INPP5A: variants seen among roughly 807,000 people sequenced by gnomAD.
INPP5A encodes the protein inositol polyphosphate-5-phosphatase A.
INPP5A carries 14 observed loss-of-function variants against 65.2 expected under a neutral mutation model. That is an observed-to-expected ratio of 0.21 (90% CI 0.14 to 0.34). INPP5A has a LOEUF of 0.34. Ranked by LOEUF, INPP5A falls within the 10% of genes least tolerant of loss-of-function variation. INPP5A has a pLI of 1.00. For synonymous variants in INPP5A, 207 were observed against 208.3 expected, an observed-to-expected ratio of 0.99 and a Z score of 0.05; for missense variants, 431 against 545.6, an observed-to-expected ratio of 0.79 and a Z score of 2.09.
rs535180856 is a variant in INPP5A, at chr10:132,718,032, C to T, written c.647+7576C>T. On this transcript the variant is annotated intron_variant, in intron 8 of 15. Coordinates refer to ENST00000368594, the MANE Select transcript of INPP5A (RefSeq NM_005539.5). ...CTGTGGTACCTGAGTTCTGTCTGGG[C>T]GCCTTAGACGGCTGTCTTGCGGGTT... is the stretch of plus-strand genomic sequence containing the variant. Among the ~76,000 whole-genome samples, 29 of 147,654 alleles carry T rather than the reference C, an allele frequency of 2.0e-4. No homozygotes were observed. The South Asian group carries it at 2.4e-3, about 12-fold the overall frequency.
intron 1 of INPP5A, among the ~76,000 whole-genome samples, chr10:132,597,002 T>C (rs2071709681): frequency 1.3e-5 from 2 of 151,436 alleles, no homozygotes; most frequent in South Asian, 4.2e-4. Flanking sequence ...TGTGTTTGTG[T>C]GCACGCTCCT....
chr10:132,561,220 A>T (rs2071201050), intron 1 of INPP5A, among the ~76,000 whole-genome samples: 2 of 71,730 alleles, frequency 2.8e-5, no homozygotes, highest in Admixed American at 3.0e-4. Context: ...GTATCACCAC[A>T]CCTGGCTAGT....
intron 3 of INPP5A, among the ~76,000 whole-genome samples, chr10:132,648,302 A>G (rs2072526235): frequency 6.6e-6 from 1 of 152,238 alleles, no homozygotes; most frequent in African/African-American, 2.4e-5. Context: ...TTCACAGTGG[A>G]GTGTGGCCCC....
Position 132,661,037 on chromosome 10 carries a change from C to T in INPP5A, c.306+10532C>T, listed in dbSNP as rs553664594. 2.0e-5 allele frequency among the ~76,000 whole-genome samples: 3 copies of T among 152,246 alleles called. No individual in the cohort carries two copies. In the South Asian group the frequency reaches 6.2e-4, roughly 32 times the overall value. On this transcript the variant is annotated intron_variant, in intron 4 of 15. Coordinates refer to ENST00000368594, the MANE Select transcript of INPP5A (RefSeq NM_005539.5). ...TGCACCTTGGCCAAGATGAGGATGC[C>T]GGATGGAGCATAGCCAGTCCTGGAA...
chr10:132,718,976 T>C (rs1307921493), intron 8 of INPP5A, among the ~76,000 whole-genome samples: 1 of 147,528 alleles, frequency 6.8e-6, no homozygotes, highest in East Asian at 2.0e-4. Context: ...TCTTGCGGGT[T>C]CTGTGGTACC....
intron 1 of INPP5A, among the ~76,000 whole-genome samples, chr10:132,543,866 T>A (rs1468321774): frequency 1.3e-5 from 2 of 152,220 alleles, no homozygotes; most frequent in African/African-American, 4.8e-5. Context: ...CACCTTTAAG[T>A]TCGGGTGAAC....
At chr10:132,746,836 A>G (rs2803990) in intron 9 of INPP5A, among the ~76,000 whole-genome samples, 39,243 of 152,208 alleles carry the variant, frequency 0.26, 5,203 homozygotes, top group African/African-American at 0.27. Flanking sequence ...CAGCCTGGCC[A>G]CTTTCCGCAT....
intron 9 of INPP5A, among the ~76,000 whole-genome samples, chr10:132,739,225 C>T (rs1192416907): frequency 2.0e-5 from 3 of 152,216 alleles, no homozygotes; most frequent in Non-Finnish European, 4.4e-5. Flanking sequence ...CTTTACAGAA[C>T]GCCGTTCCTG....
In INPP5A at chr10:132,549,422, G is replaced by A. The variant is rs935440037; in HGVS notation, c.75+11251G>A. ...TTATGGCTGTGTGGTGGCATCTTGCGGTTTAACTTGCATTTCTGGTCCTAC... is the reference window on the plus strand; with the variant it reads ...TTATGGCTGTGTGGTGGCATCTTGCAGTTTAACTTGCATTTCTGGTCCTAC... On this transcript the variant is annotated intron_variant, in intron 1 of 15. Transcript: ENST00000368594. The surrounding 1 kb of genome is among the most constrained non-coding windows in gnomAD (Gnocchi z 4.9). Among the ~76,000 whole-genome samples, 1 of 152,162 alleles carries A rather than the reference G, an allele frequency of 6.6e-6. No individual in the cohort carries two copies. The highest frequency in any genetic ancestry group is 1.5e-5 in the Non-Finnish European group (1 of 68,028).
rs1349604266 is a variant in INPP5A at position 132,551,742 on chromosome 10, A to T, written c.75+13571A>T. 6.6e-6 allele frequency among the ~76,000 whole-genome samples: 1 copy of T among 152,174 alleles called. No individual in the cohort carries two copies. Among genetic ancestry groups the T allele is most frequent in the Non-Finnish European group, 1.5e-5 (1 of 68,016 alleles). ...CAGGCTGGAGGGACGTGGGGTGGGA[A>T]TGGGCCTGACCAGCTAGGGAACAGA... On this transcript the variant is annotated intron_variant, in intron 1 of 15. Transcript: ENST00000368594. This position sits in a 1 kb window ranked among gnomAD's most constrained non-coding sequence, Gnocchi z 5.3.
intron 3 of INPP5A, among the ~76,000 whole-genome samples, chr10:132,647,898 A>G (rs1298521886): frequency 2.6e-5 from 4 of 152,230 alleles, no homozygotes; most frequent in Non-Finnish European, 5.9e-5. Flanking sequence ...AGGAGAAAAT[A>G]TAGTTTTGGG....
intron 1 of INPP5A, among the ~76,000 whole-genome samples, chr10:132,552,154 T>C (rs2071060527): frequency 6.6e-6 from 1 of 151,120 alleles, no homozygotes; most frequent in South Asian, 2.1e-4. Flanking sequence ...GGTGGCATAT[T>C]GAGTGGGATA....
intron 6 of INPP5A, among the ~76,000 whole-genome samples, chr10:132,702,761 C>T (rs1445041600): frequency 6.6e-6 from 1 of 152,234 alleles, no homozygotes; most frequent in African/African-American, 2.4e-5. Flanking sequence ...TCTCTCGTTC[C>T]ACAGTGTGCT....
chr10:132,635,562 A>AT lies in INPP5A; in HGVS notation c.118-10300dup, dbSNP rs1472006722. Among the ~76,000 whole-genome samples, 8 of 151,020 alleles carry AT rather than the reference A, an allele frequency of 5.3e-5. No individual in the cohort carries two copies. In the East Asian group the frequency reaches 1.4e-3, roughly 26 times the overall value. On this transcript the variant is annotated intron_variant, in intron 2 of 15. Coordinates refer to ENST00000368594, the MANE Select transcript of INPP5A (RefSeq NM_005539.5). Reference sequence around the variant, plus strand: ...AGGTGCCCGCCACCATGCCCGGCTAATTTTTTGTATTTTTAGTAGAGATGG... The same window carrying AT: ...AGGTGCCCGCCACCATGCCCGGCTAATTTTTTTGTATTTTTAGTAGAGATGG...
chr10:132,709,831 C>T (rs547276917), intron 7 of INPP5A, among the ~76,000 whole-genome samples: 106 of 152,354 alleles, frequency 7.0e-4, no homozygotes, highest in Admixed American at 2.9e-3. Flanking sequence ...AGGCTCAGGC[C>T]TTGATCAGGC....
At chr10:132,702,260 T>A (rs901560820) in intron 6 of INPP5A, among the ~76,000 whole-genome samples, 7 of 152,252 alleles carry the variant, frequency 4.6e-5, no homozygotes, top group South Asian at 2.1e-4. Context: ...AATCTTAGAA[T>A]CCTAAAACTA....
At chr10:132,683,145 C>G (rs1190132654) in intron 4 of INPP5A, among the ~76,000 whole-genome samples, 1 of 150,514 alleles carries the variant, frequency 6.6e-6, no homozygotes, top group South Asian at 2.1e-4. Context: ...CCCAGCAAGG[C>G]CATGTGTTGT....
At chr10:132,696,318 T>TAGGG (rs1257809813) in intron 5 of INPP5A, among the ~76,000 whole-genome samples, 3 of 152,116 alleles carry the variant, frequency 2.0e-5, no homozygotes, top group Non-Finnish European at 4.4e-5. Context: ...ATTGACAAAC[T>TAGGG]GACTGTAAAG....
chr10:132,640,932 G>T (rs1432022521), intron 2 of INPP5A, among the ~76,000 whole-genome samples: 2 of 152,156 alleles, frequency 1.3e-5, no homozygotes, highest in Non-Finnish European at 2.9e-5. Context: ...CCTCCGTCGA[G>T]ATCCGACGTG....
Sources: allele counts gnomAD v4.1 joint callset (sites outside exome capture counted in the v4.1 genomes callset), GRCh38; gene constraint gnomAD v4.1.1; non-coding constraint Gnocchi (gnomAD v3.1); transcripts MANE v1.5; gene names NCBI Gene and HGNC (gene_info 2026-07-23, HGNC 2026-07-21).